Variants in RUVBL2 observed in about 807,000 individuals in gnomAD.
RUVBL2 encodes ruvB-like 2.
A neutral mutation model predicts 57.9 loss-of-function variants in RUVBL2; 9 were observed. The observed-to-expected ratio is 0.16, with a 90% CI of 0.09 to 0.27. The LOEUF (loss-of-function observed/expected upper bound fraction) is 0.27. Ranked by LOEUF, RUVBL2 falls within the 10% of genes least tolerant of loss-of-function variation. The probability of loss-of-function intolerance (pLI) is 1.00; values close to 1 mark genes in which losing one functional copy is unlikely to be tolerated. For missense variants in RUVBL2, 456 were observed against 669.6 expected, an observed-to-expected ratio of 0.68 and a Z score of 3.52; for synonymous variants, 278 against 264.6, an observed-to-expected ratio of 1.05 and a Z score of -0.49.
At chr19:49,003,411 T>C (rs1600176997) in intron 3 of RUVBL2, 77 bp downstream of exon 3, 1 of 1,341,840 alleles carries the variant, frequency 7.5e-7, no homozygotes, top group East Asian at 2.3e-5. Context: ...TCCTGGGGAG[T>C]GTGGGGACTA....
In RUVBL2 at chr19:49,015,567, T is replaced by C. The variant is rs770632095; in HGVS notation, c.1252-5T>C. The C allele has an allele frequency of 3.7e-6, 6 of 1,611,368 alleles. No individual in the cohort carries two copies. Among genetic ancestry groups the C allele is most frequent in the Non-Finnish European group, 5.1e-6 (6 of 1,177,734 alleles). ...CCCAACTGAGGACTCGCCCTCCCCC[T>C]CCAGGGTACAGAAGTGCAGGTGGAT... is the stretch of plus-strand genomic sequence containing the variant. On this transcript the variant is annotated splice_polypyrimidine_tract_variant and splice_region_variant and intron_variant, in intron 13 of 14. Coordinates refer to ENST00000595090, the MANE Select transcript of RUVBL2 (RefSeq NM_006666.3).
intron 1 of RUVBL2, among the ~76,000 whole-genome samples, chr19:48,995,188 G>A (rs1258850032): frequency 1.3e-5 from 2 of 152,004 alleles, no homozygotes; most frequent in African/African-American, 2.4e-5. Flanking sequence ...GTTTTGAAAT[G>A]ACCTTGGTTT....
Position 49,009,826 on chromosome 19 carries a change from C to G in RUVBL2, c.513C>G (p.Ile171Met). 2 of 1,614,142 alleles carry G rather than the reference C, an allele frequency of 1.2e-6. No homozygotes were observed. The highest frequency in any genetic ancestry group is 1.7e-6 in the Non-Finnish European group (2 of 1,180,020). The stretch of plus-strand genomic sequence containing the variant: ...TCAAGACCACAGAGATGGAGACCAT[C>G]TACGACCTGGGCACCAAGATGATTG... Reference protein sequence around the residue: ...LTLKTTEMETIYDLGTKMIES... With the variant: ...LTLKTTEMETMYDLGTKMIES... Residue 171 changes from isoleucine (I) to methionine (M), a missense_variant, in exon 7 of 15, where the codon ATC (isoleucine) becomes ATG (methionine). Physicochemically the swap from Ile to Met is conservative, Grantham distance 10. Around this residue, in one of 5 missense-constraint regions of RUVBL2, gnomAD observed 233 missense variants for 306.0 expected, o/e 0.76. Transcript: ENST00000595090.
At chr19:48,993,533 G>A (rs2122554778), upstream of RUVBL2, 1 of 448,004 alleles carries the variant, frequency 2.2e-6, no homozygotes, top group Admixed American at 3.5e-5. Context: ...CTTCAGCTCT[G>A]TCAATCTGGA....
At chr19:48,995,258 A>G (rs1475988337) in intron 1 of RUVBL2, among the ~76,000 whole-genome samples, 1 of 151,790 alleles carries the variant, frequency 6.6e-6, no homozygotes, top group African/African-American at 2.4e-5. Flanking sequence ...GAAAGTCTTT[A>G]TAGGAGACAG....
chr19:48,999,781 C>T (rs2039140670), intron 2 of RUVBL2, among the ~76,000 whole-genome samples: 1 of 152,170 alleles, frequency 6.6e-6, no homozygotes, highest in South Asian at 2.1e-4. Flanking sequence ...CAAGAGATAA[C>T]CATTGAATGC....
chr19:49,015,868 C>A lies in RUVBL2; in HGVS notation c.*26C>A. ...GTTGGATGTCATCCCCCGACCCCAC[C>A]CTGTTTTCCACCAGAGTTCTGACAC... On this transcript the variant is annotated 3_prime_UTR_variant, in exon 15 of 15. Coordinates refer to ENST00000595090, the MANE Select transcript of RUVBL2 (RefSeq NM_006666.3). 1 of 1,614,168 alleles carries A rather than the reference C, an allele frequency of 6.2e-7. No homozygotes were observed. The highest frequency in any genetic ancestry group is 8.5e-7 in the Non-Finnish European group (1 of 1,180,018).
chr19:49,000,649 G>C (rs2039161149), intron 2 of RUVBL2, among the ~76,000 whole-genome samples: 1 of 152,108 alleles, frequency 6.6e-6, no homozygotes, highest in African/African-American at 2.4e-5. Flanking sequence ...TGGATCACCT[G>C]AAGTCAGGAG....
intron 1 of RUVBL2, among the ~76,000 whole-genome samples, chr19:48,996,559 T>C (rs185232910): frequency 1.3e-4 from 19 of 150,972 alleles, no homozygotes; most frequent in South Asian, 1.0e-3. Context: ...AGAGTCTTGC[T>C]CTGATGCCCA....
At chr19:49,004,824 G>T (rs529157587) in intron 4 of RUVBL2, among the ~76,000 whole-genome samples, 1 of 152,074 alleles carries the variant, frequency 6.6e-6, no homozygotes, top group South Asian at 2.1e-4. Context: ...TTATCTCATT[G>T]ACTAGAATGT....
Position 49,015,103 on chromosome 19 carries a change from G to T in RUVBL2, c.1204G>T (p.Ala402Ser), listed in dbSNP as rs1441086881. 3.1e-6 allele frequency: 5 copies of T among 1,609,666 alleles called. No individual in the cohort carries two copies. Among genetic ancestry groups the T allele is most frequent in the Non-Finnish European group, 4.2e-6 (5 of 1,178,338 alleles). ...CGGGCTGGAGACGTCACTGCGCTAC[G>T]CCATCCAGCTCATCACAGCTGCCAG... ...RIGLETSLRY[A>S]IQLITAASLV... The change falls in exon 13 of 15, where the codon GCC becomes TCC. Residue 402 changes from alanine to serine, a missense_variant. This residue lies in a region of RUVBL2 where 130 missense variants were observed against 243.0 expected (regional missense o/e 0.53). Transcript: ENST00000595090.
At chr19:48,999,148 A>G (rs1404609728) in intron 1 of RUVBL2, among the ~76,000 whole-genome samples, 171 bp from the exon 2 acceptor site, 2 of 152,178 alleles carry the variant, frequency 1.3e-5, no homozygotes, top group African/African-American at 2.4e-5. Flanking sequence ...GGCTCAACCA[A>G]CCAGCCATTA....
At chr19:49,012,326 A>G (rs2039445765) in intron 11 of RUVBL2, among the ~76,000 whole-genome samples, 1 of 152,212 alleles carries the variant, frequency 6.6e-6, no homozygotes, top group Non-Finnish European at 1.5e-5. Context: ...GAAGGTAGAT[A>G]TCACCTCAGC....
At chr19:48,993,842 A>G, upstream of RUVBL2, 3 of 1,592,990 alleles carry the variant, frequency 1.9e-6, no homozygotes, top group East Asian at 4.5e-5. Context: ...CAGCTAGCCT[A>G]GAGGAGCCAG....
Position 49,011,061 on chromosome 19 carries a change from C to T in RUVBL2, c.850C>T (p.Arg284Cys). 2.5e-6 allele frequency: 4 copies of T among 1,609,714 alleles called. No homozygotes were observed. Among genetic ancestry groups the T allele is most frequent in the South Asian group, 1.1e-5 (1 of 90,588 alleles). ...GATCAATGCCAAGGTGGCTGAGTGG[C>T]GCGAGGAGGGCAAGGCGGAGATCAT... is the stretch of plus-strand genomic sequence containing the variant. ...EQINAKVAEW[R>C]EEGKAEIIPG... Residue 284 changes from arginine to cysteine, a missense_variant, in exon 10 of 15, where the codon CGC becomes TGC. Coordinates refer to ENST00000595090, the MANE Select transcript of RUVBL2 (RefSeq NM_006666.3). This position sits in a 1 kb window ranked among gnomAD's most constrained non-coding sequence, Gnocchi z 4.4.
rs77827131 is a variant in RUVBL2, at chr19:49,004,261, C to T, written c.124-16C>T. 1.6e-3 allele frequency: 2,516 copies of T among 1,608,922 alleles called. 45 individuals are homozygous for T. In the African/African-American group the frequency reaches 0.029, roughly 18 times the overall value. ...GCCCCACAGGAAATCACCTCATGTG[C>T]GCCTCCCACCCACAGGCTTCGCAAG... On this transcript the variant is annotated splice_polypyrimidine_tract_variant and intron_variant, in intron 3 of 14. Transcript: ENST00000595090.
chr19:49,010,198 TC>T (rs1167389065), intron 8 of RUVBL2, 132 bp downstream of exon 8: 1 of 901,218 alleles, frequency 1.1e-6, no homozygotes. Flanking sequence ...TCCTGGGTCT[TC>T]CCTGTAACCC....
chr19:49,010,858 G>A (rs1448081118), intron 9 of RUVBL2, 141 bp from the exon 10 acceptor site: 7 of 871,056 alleles, frequency 8.0e-6, no homozygotes, highest in Non-Finnish European at 7.3e-6. Context: ...TCCTCTTTGG[G>A]GATGTTTCAG....
At chr19:49,015,973 T>G (rs2013039), downstream of RUVBL2, 819,288 of 1,613,634 alleles carry the variant, frequency 0.51, 211,346 homozygotes, top group Admixed American at 0.64. Flanking sequence ...GAAAGACACC[T>G]CCAGAGTGCG....
Sources: gnomAD v4.1 joint callset for allele counts (sites outside exome capture counted in the v4.1 genomes callset) on GRCh38, gnomAD v4.1.1 for gene constraint, gnomAD v4.1.1 regional missense constraint, Gnocchi (gnomAD v3.1) non-coding constraint, MANE v1.5 for transcripts, NCBI Gene and HGNC (gene_info 2026-07-23, HGNC 2026-07-21) for gene names.